Variants in PRKG2 observed in about 807,000 individuals in gnomAD.
PRKG2 encodes protein kinase cGMP-dependent 2, also known as cGMP-dependent protein kinase 2.
PRKG2 carries 33 observed loss-of-function variants against 97.2 expected under a neutral mutation model. The observed-to-expected ratio is 0.34, with a 90% CI of 0.26 to 0.45. The LOEUF (loss-of-function observed/expected upper bound fraction) is 0.45. PRKG2 is among the 20% of genes least tolerant of loss of function. PRKG2 has a pLI of 1.00. For missense variants in PRKG2, 638 were observed against 900.0 expected (o/e 0.71, Z 3.73); for synonymous variants, 330 against 321.8 (o/e 1.03, Z -0.27).
intron 14 of PRKG2, 30 bp downstream of exon 14, chr4:81,135,125 T>C (rs769373430): frequency 1.9e-6 from 3 of 1,575,866 alleles, no homozygotes; most frequent in Middle Eastern, 1.7e-4. Context: ...ATATCTCATA[T>C]GAGACTGTAA....
At chr4:81,191,025 C>T (rs890039717) in intron 2 of PRKG2, among the ~76,000 whole-genome samples, 1 of 152,154 alleles carries the variant, frequency 6.6e-6, no homozygotes, top group African/African-American at 2.4e-5. Flanking sequence ...GACAGTGTGG[C>T]GATTCCTCAA....
intron 14 of PRKG2, among the ~76,000 whole-genome samples, chr4:81,133,313 A>T (rs1246893715): frequency 6.6e-6 from 1 of 151,902 alleles, no homozygotes; most frequent in Non-Finnish European, 1.5e-5. Context: ...CTTGTTTCCT[A>T]TTTCTCCAGC....
At chr4:81,217,051 ATATGTG>A (rs1346432764), upstream of PRKG2, among the ~76,000 whole-genome samples, 14 of 138,672 alleles carry the variant, frequency 1.0e-4, no homozygotes, top group African/African-American at 3.8e-4. Context: ...ATATATATAT[ATATGTG>A]TATATATATA....
chr4:81,110,155 C>T (rs1194746702), intron 15 of PRKG2, among the ~76,000 whole-genome samples: 1 of 152,072 alleles, frequency 6.6e-6, no homozygotes, highest in Admixed American at 6.6e-5. Context: ...TATTATTATG[C>T]TGAATTATTA....
chr4:81,157,040 A>G (rs1418701741), intron 6 of PRKG2, among the ~76,000 whole-genome samples: 1 of 152,182 alleles, frequency 6.6e-6, no homozygotes, highest in East Asian at 1.9e-4. Context: ...AAGAGCAAAC[A>G]CATTCAAAGG....
chr4:81,203,443 T>C (rs1033015906), intron 2 of PRKG2, among the ~76,000 whole-genome samples: 2 of 152,184 alleles, frequency 1.3e-5, no homozygotes, highest in East Asian at 1.9e-4. Flanking sequence ...GTTGTTAAAA[T>C]TGATCATTTG....
At chr4:81,151,583 T>C (rs903448117) in intron 8 of PRKG2, among the ~76,000 whole-genome samples, 3 of 152,078 alleles carry the variant, frequency 2.0e-5, no homozygotes, top group East Asian at 1.9e-4. Flanking sequence ...ACAAAATATA[T>C]AAAATTATTT....
At chr4:81,159,151 A>G (rs1749383563) in intron 6 of PRKG2, among the ~76,000 whole-genome samples, 1 of 152,234 alleles carries the variant, frequency 6.6e-6, no homozygotes. Flanking sequence ...AGCAAAAGAA[A>G]CTACCATCAG....
intron 9 of PRKG2, among the ~76,000 whole-genome samples, chr4:81,147,451 T>C (rs1353495519): frequency 1.3e-5 from 2 of 152,178 alleles, no homozygotes; most frequent in Non-Finnish European, 2.9e-5. Flanking sequence ...ACTTCACACT[T>C]TTCTAGTCCT....
chr4:81,093,910 C>A (rs954244715), intron 17 of PRKG2, among the ~76,000 whole-genome samples: 4 of 152,260 alleles, frequency 2.6e-5, no homozygotes, highest in African/African-American at 9.6e-5. Context: ...AGCCACTGAT[C>A]TTTTCTACTG....
chr4:81,169,900 C>T (rs1045512965), intron 4 of PRKG2, 132 bp from the exon 5 acceptor site: 2 of 543,866 alleles, frequency 3.7e-6, no homozygotes. Flanking sequence ...TTTAAACATA[C>T]AAATGAAGGA....
At chr4:81,185,503 G>A (rs1049265394) in intron 2 of PRKG2, among the ~76,000 whole-genome samples, 1 of 152,144 alleles carries the variant, frequency 6.6e-6, no homozygotes, top group Admixed American at 6.6e-5. Flanking sequence ...GGAGAAACCA[G>A]TACCAGCCAC....
intron 2 of PRKG2, among the ~76,000 whole-genome samples, chr4:81,194,804 T>C (rs1406250362): frequency 1.3e-5 from 2 of 152,344 alleles, no homozygotes; most frequent in African/African-American, 2.4e-5. Flanking sequence ...TAATTAGTAC[T>C]GCTCTTAAAT....
intron 14 of PRKG2, among the ~76,000 whole-genome samples, chr4:81,112,006 C>T (rs1312444305): frequency 6.6e-6 from 1 of 152,030 alleles, no homozygotes; most frequent in Non-Finnish European, 1.5e-5. Flanking sequence ...ACAAAATAAG[C>T]CCTCATCTAA....
At chr4:81,148,788 G>A in intron 9 of PRKG2, 96 bp downstream of exon 9, 2 of 1,031,234 alleles carry the variant, frequency 1.9e-6, no homozygotes, top group Non-Finnish European at 3.0e-6. Context: ...ATTTCCAAGT[G>A]GTGATGAATG....
intron 6 of PRKG2, among the ~76,000 whole-genome samples, chr4:81,156,270 G>A (rs1487891345): frequency 6.6e-6 from 1 of 151,930 alleles, no homozygotes; most frequent in African/African-American, 2.4e-5. Flanking sequence ...AAAAGGCAGG[G>A]GTTGCAATCC....
intron 2 of PRKG2, among the ~76,000 whole-genome samples, chr4:81,200,602 C>G (rs1477933556): frequency 6.6e-6 from 1 of 152,156 alleles, no homozygotes; most frequent in Non-Finnish European, 1.5e-5. Flanking sequence ...ACGAAAAGAA[C>G]TGATCCTGAT....
At position 81,142,914 on chromosome 4, in the gene PRKG2, T is replaced by G; in HGVS notation, c.1287A>C (p.Ala429=). The G allele has an allele frequency of 6.2e-7, 1 of 1,612,424 alleles. No homozygotes were observed. Among genetic ancestry groups the G allele is most frequent in the Non-Finnish European group, 8.5e-7 (1 of 1,178,972 alleles). Reference sequence around the variant, plus strand: ...TCAGCTGAATCATTTCCAGAGAGAGTGCTTTGGACAGCTTCCAGTTAGACA... The same window carrying G: ...TCAGCTGAATCATTTCCAGAGAGAGGGCTTTGGACAGCTTCCAGTTAGACA... ...RSMSNWKLSK[A]LSLEMIQLKE... The change falls in exon 11 of 19, where the codon GCA becomes GCC. Residue 429 remains alanine, a synonymous_variant. Coordinates refer to ENST00000264399, the MANE Select transcript of PRKG2 (RefSeq NM_006259.3).
chr4:81,098,495 C>T (rs1742357101), intron 17 of PRKG2, among the ~76,000 whole-genome samples: 1 of 152,138 alleles, frequency 6.6e-6, no homozygotes, highest in African/African-American at 2.4e-5. Flanking sequence ...TCTATCTCAG[C>T]TTTTGATATG....
Sources: allele counts gnomAD v4.1 joint callset (sites outside exome capture counted in the v4.1 genomes callset), GRCh38; gene constraint gnomAD v4.1.1; transcripts MANE v1.5; gene names NCBI Gene and HGNC (gene_info 2026-07-23, HGNC 2026-07-21).